Variants in RGS7 observed in about 807,000 individuals in gnomAD.
RGS7 encodes the protein regulator of G-protein signaling 7.
In RGS7, 27 loss-of-function variants were observed where a neutral mutation model predicts 81.1. The observed-to-expected ratio is 0.33, with a 90% confidence interval of 0.25 to 0.46. The LOEUF (loss-of-function observed/expected upper bound fraction) is 0.46. Ranked by LOEUF, RGS7 falls within the 20% of genes least tolerant of loss-of-function variation. The probability of loss-of-function intolerance (pLI) is 1.00; values close to 1 mark genes in which losing one functional copy is unlikely to be tolerated. For synonymous variants in RGS7, 208 were observed against 207.7 expected (o/e 1.00, Z -0.01); for missense variants, 396 against 607.4 (o/e 0.65, Z 3.66).
intron 9 of RGS7, among the ~76,000 whole-genome samples, chr1:240,858,275 T>A (rs557800940): frequency 6.6e-6 from 1 of 152,190 alleles, no homozygotes; most frequent in East Asian, 1.9e-4. Context: ...AATGCTATAT[T>A]GTATAGTAAC....
intron 5 of RGS7, among the ~76,000 whole-genome samples, chr1:240,932,918 C>T (rs1429060315): frequency 2.7e-5 from 3 of 110,430 alleles, no homozygotes; most frequent in Non-Finnish European, 3.4e-5. Context: ...GAGTCTCGCT[C>T]TGTCGCCCAG....
At chr1:241,355,613 G>A (rs112692400) in intron 2 of RGS7, 86 bp downstream of exon 2, 2 of 1,172,400 alleles carry the variant, frequency 1.7e-6, no homozygotes. Context: ...AGGCCACAAA[G>A]TTGATACATA....
At chr1:241,056,030 C>G (rs2061461395) in intron 3 of RGS7, among the ~76,000 whole-genome samples, 1 of 152,090 alleles carries the variant, frequency 6.6e-6, no homozygotes. Flanking sequence ...GAGTTACATT[C>G]AAAAAATGTT....
At chr1:241,001,657 A>C (rs1460896223) in intron 3 of RGS7, among the ~76,000 whole-genome samples, 1 of 152,224 alleles carries the variant, frequency 6.6e-6, no homozygotes, top group Admixed American at 6.5e-5. Flanking sequence ...CCTTAAGTGC[A>C]TATTACTAAG....
intron 18 of RGS7, among the ~76,000 whole-genome samples, chr1:240,799,503 C>G (rs530711285): frequency 6.6e-6 from 1 of 152,064 alleles, no homozygotes; most frequent in Non-Finnish European, 1.5e-5. Flanking sequence ...AATTGTTTAT[C>G]TTTCCCTTGT....
At chr1:240,872,906 G>C (rs753739098) in intron 6 of RGS7, among the ~76,000 whole-genome samples, 37 of 151,846 alleles carry the variant, frequency 2.4e-4, no homozygotes, top group Non-Finnish European at 4.0e-4. Flanking sequence ...CTGAAACCTC[G>C]TCTCTACTAA....
chr1:240,862,245 C>A (rs903164548), intron 9 of RGS7, among the ~76,000 whole-genome samples: 1 of 151,886 alleles, frequency 6.6e-6, no homozygotes, highest in Non-Finnish European at 1.5e-5. Context: ...GTCAATCCGA[C>A]CTAAAAGTGA....
At chr1:241,239,249 G>A (rs4477261) in intron 2 of RGS7, among the ~76,000 whole-genome samples, 2 of 151,918 alleles carry the variant, frequency 1.3e-5, no homozygotes, top group African/African-American at 4.8e-5. Flanking sequence ...TTACAGGTGT[G>A]AGCCACCGCG....
At chr1:240,979,502 C>T (rs1329432765) in intron 4 of RGS7, among the ~76,000 whole-genome samples, 1 of 152,078 alleles carries the variant, frequency 6.6e-6, no homozygotes, top group Admixed American at 6.6e-5. Context: ...TGTAACTGAG[C>T]TTGGGATTAC....
At chr1:241,147,475 A>G (rs550649288) in intron 2 of RGS7, among the ~76,000 whole-genome samples, 4 of 152,082 alleles carry the variant, frequency 2.6e-5, no homozygotes, top group South Asian at 2.1e-4. Flanking sequence ...TTGCTATATG[A>G]CCTTGGGTAA....
chr1:240,777,250 C>T (rs1479329083), intron 18 of RGS7, among the ~76,000 whole-genome samples: 1 of 151,810 alleles, frequency 6.6e-6, no homozygotes, highest in Non-Finnish European at 1.5e-5. Flanking sequence ...CCACTACACT[C>T]CAGCCTGGGT....
intron 2 of RGS7, among the ~76,000 whole-genome samples, chr1:241,241,539 C>T (rs959295993): frequency 6.6e-6 from 1 of 152,066 alleles, no homozygotes; most frequent in Non-Finnish European, 1.5e-5. Flanking sequence ...AAGGAAGCTG[C>T]TTTGACCTTC....
In RGS7 at chr1:241,217,067, T is replaced by C. The variant is rs542048099; in HGVS notation, c.79-118305A>G. ...CATATGTTGAAGTTCTAACCTCCAG[T>C]GTGGCTGTATTTGGACACAGGGCCT... On this transcript the variant is annotated intron_variant, in intron 2 of 18. Transcript: ENST00000440928. Among the ~76,000 whole-genome samples, 82 of 152,312 alleles carry C rather than the reference T, an allele frequency of 5.4e-4. 1 individual carries two copies. Among genetic ancestry groups the C allele is most frequent in the South Asian group, 1.4e-3 (7 of 4,828 alleles).
chr1:240,840,530 C>T (rs1388108669), intron 9 of RGS7, among the ~76,000 whole-genome samples: 3 of 152,228 alleles, frequency 2.0e-5, no homozygotes, highest in African/African-American at 7.2e-5. Flanking sequence ...ACCTTGGCTG[C>T]ACAAAGTGCT....
At position 241,281,916 on chromosome 1, in the gene RGS7, C is replaced by T. The variant is rs115411575; in HGVS notation, c.78+73783G>A. Among the ~76,000 whole-genome samples, 1,146 of 152,240 alleles carry T rather than the reference C, an allele frequency of 7.5e-3. 14 individuals carry two copies. Among genetic ancestry groups the T allele is most frequent in the African/African-American group, 0.026 (1,078 of 41,536 alleles). On this transcript the variant is annotated intron_variant, in intron 2 of 18. Transcript: ENST00000440928. ...ATGTCTCTCCATATATTTAGTTAAACGTTCAACTACTTATGTTATCAGTAA... is the reference window on the plus strand; with the variant it reads ...ATGTCTCTCCATATATTTAGTTAAATGTTCAACTACTTATGTTATCAGTAA...
chr1:240,905,422 G>C (rs1318964226), intron 6 of RGS7, among the ~76,000 whole-genome samples: 2 of 152,166 alleles, frequency 1.3e-5, no homozygotes, highest in African/African-American at 4.8e-5. Context: ...GAGGAAGGGA[G>C]GAAACTACTG....
chr1:240,959,715 A>G (rs1681036915), intron 4 of RGS7, among the ~76,000 whole-genome samples: 1 of 152,234 alleles, frequency 6.6e-6, no homozygotes, highest in African/African-American at 2.4e-5. Flanking sequence ...TTGATAATTT[A>G]TTAAATTGCA....
intron 4 of RGS7, among the ~76,000 whole-genome samples, chr1:240,938,530 TAAAC>T (rs1286845482): frequency 3.3e-5 from 5 of 152,154 alleles, no homozygotes; most frequent in South Asian, 2.1e-4. Context: ...CCTACATAAA[TAAAC>T]AATTTGTTGT....
At position 240,976,551 on chromosome 1, in the gene RGS7, C is replaced by T. The variant is rs910909180; in HGVS notation, c.226+6528G>A. Among the ~76,000 whole-genome samples, 3 of 152,124 alleles carry T rather than the reference C, an allele frequency of 2.0e-5. No individual in the cohort carries two copies. The South Asian group carries it at 6.2e-4, about 32-fold the overall frequency. ...TCTTCGTAATGTGGGTGGGCTTCAT[C>T]CCATCAGCTGAAGGCCTTAAGAGAA... On this transcript the variant is annotated intron_variant, in intron 4 of 18. Coordinates refer to ENST00000440928, the MANE Select transcript of RGS7 (RefSeq NM_001364886.1).
Sources: allele counts gnomAD v4.1 joint callset (sites outside exome capture counted in the v4.1 genomes callset), GRCh38; gene constraint gnomAD v4.1.1; transcripts MANE v1.5; gene names NCBI Gene and HGNC (gene_info 2026-07-23, HGNC 2026-07-21).